ADCK1: variants seen among roughly 807,000 people sequenced by gnomAD.
ADCK1 encodes aarF domain-containing protein kinase 1.
ADCK1 carries 41 observed loss-of-function variants against 52.3 expected under a neutral mutation model. That is an observed-to-expected ratio of 0.78 (90% CI 0.61 to 1.02). The LOEUF (loss-of-function observed/expected upper bound fraction) is 1.02, where lower values mean the gene tolerates loss of function less well. Ranked by LOEUF, ADCK1 falls within the 50% of genes least tolerant of loss-of-function variation. The probability of loss-of-function intolerance (pLI) is 0.00; values close to 1 mark genes in which losing one functional copy is unlikely to be tolerated. For synonymous variants in ADCK1, 250 were observed against 274.6 expected (o/e 0.91, Z 0.89); for missense variants, 658 against 679.5 (o/e 0.97, Z 0.35).
chr14:77,841,848 TAAA>T (rs59818962), intron 3 of ADCK1, among the ~76,000 whole-genome samples: 3 of 109,654 alleles, frequency 2.7e-5, no homozygotes, highest in Non-Finnish European at 1.8e-5. Flanking sequence ...TGACACTCTT[TAAA>T]AAAAAAAAAA....
intron 4 of ADCK1, among the ~76,000 whole-genome samples, chr14:77,879,805 C>T (rs2082981846): frequency 6.6e-6 from 1 of 152,168 alleles, no homozygotes; most frequent in Non-Finnish European, 1.5e-5. Flanking sequence ...GAGTCCGAAA[C>T]TGCTGACTCT....
chr14:77,856,589 A>G (rs970632494), intron 3 of ADCK1, among the ~76,000 whole-genome samples: 1 of 151,984 alleles, frequency 6.6e-6, no homozygotes, highest in Admixed American at 6.6e-5. Flanking sequence ...ATGGTAAAGG[A>G]TTGCCCTCCT....
At chr14:77,849,594 C>T (rs900172497) in intron 3 of ADCK1, among the ~76,000 whole-genome samples, 3 of 152,058 alleles carry the variant, frequency 2.0e-5, no homozygotes, top group African/African-American at 7.2e-5. Flanking sequence ...CAGGCATATG[C>T]CACCATGCCT....
At chr14:77,821,171 G>C (rs1469213514) in intron 2 of ADCK1, 2 of 152,168 alleles carry the variant, frequency 1.3e-5, no homozygotes, top group African/African-American at 4.8e-5. Flanking sequence ...GAATCTTAGA[G>C]ATTTGAATAG....
At chr14:77,899,039 T>C in intron 5 of ADCK1, 61 bp from the exon 6 acceptor site, 3 of 1,598,112 alleles carry the variant, frequency 1.9e-6, no homozygotes, top group Admixed American at 3.4e-5. Flanking sequence ...GGCAGGAAGG[T>C]AGGGAATGTC....
At chr14:77,861,519 C>T (rs1202372555) in intron 4 of ADCK1, among the ~76,000 whole-genome samples, 1 of 152,086 alleles carries the variant, frequency 6.6e-6, no homozygotes, top group African/African-American at 2.4e-5. Flanking sequence ...CTTGAGTGGG[C>T]CCCACTCATC....
chr14:77,909,723 A>G (rs1306162760), intron 7 of ADCK1, among the ~76,000 whole-genome samples: 1 of 152,182 alleles, frequency 6.6e-6, no homozygotes, highest in Non-Finnish European at 1.5e-5. Context: ...CTAGCATTCC[A>G]GAAGAGTAGC....
At chr14:77,860,403 A>G (rs956838748) in intron 4 of ADCK1, among the ~76,000 whole-genome samples, 1 of 152,232 alleles carries the variant, frequency 6.6e-6, no homozygotes, top group Non-Finnish European at 1.5e-5. Context: ...GGTTTGATAA[A>G]GACCAGTGGT....
chr14:77,801,967 C>T (rs2081119856), intron 1 of ADCK1, among the ~76,000 whole-genome samples: 1 of 151,958 alleles, frequency 6.6e-6, no homozygotes, highest in Non-Finnish European at 1.5e-5. Flanking sequence ...TTGGGTCAGC[C>T]ATCCATTTCT....
intron 6 of ADCK1, chr14:77,902,487 T>C (rs2083568239): frequency 6.6e-6 from 1 of 152,238 alleles, no homozygotes; most frequent in Non-Finnish European, 1.5e-5. Context: ...AGACAAGTGA[T>C]AATGTTAACT....
chr14:77,928,120 T>G (rs1343486799), intron 9 of ADCK1, among the ~76,000 whole-genome samples: 3 of 151,920 alleles, frequency 2.0e-5, no homozygotes, highest in African/African-American at 7.3e-5. Flanking sequence ...TAAGATTGAG[T>G]TTCTGTAGGA....
At chr14:77,850,251 T>C (rs2082255066) in intron 3 of ADCK1, among the ~76,000 whole-genome samples, 1 of 152,180 alleles carries the variant, frequency 6.6e-6, no homozygotes, top group African/African-American at 2.4e-5. Context: ...CAAATGTTCC[T>C]CTTATACTTG....
At chr14:77,917,066 A>G (rs1404183624) in intron 7 of ADCK1, among the ~76,000 whole-genome samples, 1 of 152,174 alleles carries the variant, frequency 6.6e-6, no homozygotes, top group Admixed American at 6.5e-5. Flanking sequence ...TGTCTCTACA[A>G]AAAAATAAAT....
chr14:77,884,605 T>C (rs1363504693), intron 4 of ADCK1, among the ~76,000 whole-genome samples: 1 of 152,092 alleles, frequency 6.6e-6, no homozygotes, highest in Non-Finnish European at 1.5e-5. Context: ...ATAGGGTGGG[T>C]ACTCAGGCAT....
At chr14:77,900,445 G>A (rs3783959) in intron 6 of ADCK1, 14,803 of 333,808 alleles carry the variant, frequency 0.044, 443 homozygotes, top group South Asian at 0.065. Flanking sequence ...AAAGTAGCTG[G>A]GCATGGTGGT....
At chr14:77,894,723 CTTTTCTTTTCTTGTTTTTTT>C (rs2083362892) in intron 5 of ADCK1, among the ~76,000 whole-genome samples, 2 of 62,252 alleles carry the variant, frequency 3.2e-5, no homozygotes, top group Admixed American at 3.6e-4. Flanking sequence ...ATTTCTTTTT[CTTTTCTTTTCTTGTTTTTTT>C]TTTTTTTTTT....
intron 5 of ADCK1, among the ~76,000 whole-genome samples, chr14:77,888,733 T>C (rs756899695): frequency 1.1e-4 from 17 of 152,098 alleles, no homozygotes; most frequent in Non-Finnish European, 2.2e-4. Flanking sequence ...TATCTTAGGT[T>C]TCTGGCTTAA....
chr14:77,845,130 T>C (rs2082150261), intron 3 of ADCK1, among the ~76,000 whole-genome samples: 1 of 152,252 alleles, frequency 6.6e-6, no homozygotes. Context: ...CCAGGTCCCT[T>C]GAGTCTTGAT....
chr14:77,856,357 T>G (rs1037402057), intron 3 of ADCK1, among the ~76,000 whole-genome samples: 2 of 152,200 alleles, frequency 1.3e-5, no homozygotes, highest in African/African-American at 4.8e-5. Context: ...AAGGTCAGTT[T>G]GGGGTCTGTT....
Sources: allele counts gnomAD v4.1 joint callset (sites outside exome capture counted in the v4.1 genomes callset), GRCh38; gene constraint gnomAD v4.1.1; transcripts MANE v1.5; gene names NCBI Gene and HGNC (gene_info 2026-07-23, HGNC 2026-07-21).